Variants in CELF1 observed in about 807,000 individuals in gnomAD.
CELF1 encodes CUGBP Elav-like family member 1.
In CELF1, 10 loss-of-function variants were observed where a neutral mutation model predicts 61.8. That is an observed-to-expected ratio of 0.16 (90% CI 0.10 to 0.27). CELF1 has a LOEUF of 0.27. Ranked by LOEUF, CELF1 falls within the 10% of genes least tolerant of loss-of-function variation. The probability of loss-of-function intolerance (pLI) is 1.00; values close to 1 mark genes in which losing one functional copy is unlikely to be tolerated. For missense variants in CELF1, 380 were observed against 639.1 expected (o/e 0.59, Z 4.37); for synonymous variants, 236 against 225.1 (o/e 1.05, Z -0.43).
chr11:47,493,513 G>GAAAAAA (rs35976407), intron 3 of CELF1, among the ~76,000 whole-genome samples: 4 of 84,908 alleles, frequency 4.7e-5, no homozygotes, highest in Non-Finnish European at 6.8e-5. Flanking sequence ...ATCTCAAAAA[G>GAAAAAA]AAAAAAAAAA....
chr11:47,488,207 A>T (rs1485202802), intron 4 of CELF1, among the ~76,000 whole-genome samples: 1 of 152,244 alleles, frequency 6.6e-6, no homozygotes, highest in African/African-American at 2.4e-5. Context: ...GTCTGTGTGT[A>T]TATACGGGGC....
chr11:47,482,584 T>G (rs573672036), intron 9 of CELF1, 111 bp downstream of exon 9: 1 of 1,017,914 alleles, frequency 9.8e-7, no homozygotes, highest in Non-Finnish European at 1.4e-6. Flanking sequence ...TACATATAAT[T>G]TCTATATGCC....
intron 1 of CELF1, among the ~76,000 whole-genome samples, chr11:47,505,411 A>T (rs943963745): frequency 6.6e-6 from 1 of 151,232 alleles, no homozygotes; most frequent in Non-Finnish European, 1.5e-5. Flanking sequence ...AGATGGGCAG[A>T]TCACGAGGTC....
chr11:47,473,114 T>C lies in CELF1; in HGVS notation c.1391A>G (p.Lys464Arg). ...AAAACACTTGCTCAGGTTTGTCTGC[T>C]TGTCTATGAAAACCTTGGCAGACAC... ...NVVSAKVFID[K>R]QTNLSKCFGF... The change falls in exon 14 of 15, where the codon AAG becomes AGG. Residue 464 changes from lysine (K) to arginine (R), a missense_variant. By Grantham distance (26) the Lys-to-Arg change is conservative (BLOSUM62 2). Transcript: ENST00000687097. 1 of 1,614,180 alleles carries C rather than the reference T, an allele frequency of 6.2e-7. No homozygotes were observed.
chr11:47,478,497 T>G (rs1335416556), intron 10 of CELF1, among the ~76,000 whole-genome samples: 5 of 152,250 alleles, frequency 3.3e-5, no homozygotes, highest in African/African-American at 1.2e-4. Flanking sequence ...GGCATTTGCA[T>G]GGAAGCCATC....
At chr11:47,553,203 G>C (rs2097187188), upstream of CELF1, 5 of 390,440 alleles carry the variant, frequency 1.3e-5, no homozygotes, top group Non-Finnish European at 2.3e-5. Context: ...GCGCGGCGAG[G>C]GGGAACGTAT....
chr11:47,483,658 T>C lies in CELF1; in HGVS notation c.527-126A>G, dbSNP rs1467459906. 1.2e-5 allele frequency: 8 copies of C among 683,360 alleles called. No homozygotes were observed. The East Asian group carries it at 1.3e-4, about 11-fold the overall frequency. The allele number at this position is 683,360 out of a possible 1,614,324, so 42.3% of individuals were successfully genotyped here. A position where few individuals can be genotyped will look rare whatever the true frequency, so the allele number is the denominator to read the frequency against. On this transcript the variant is annotated intron_variant, in intron 7 of 14. Coordinates refer to ENST00000687097, the MANE Select transcript of CELF1 (RefSeq NM_001376376.1). ...CACAGTCCCTGTTTTCAGGGAATCA[T>C]GTGCTGGTATGTTGCAACAGGGTGA... is the stretch of plus-strand genomic sequence containing the variant.
chr11:47,525,436 T>C (rs2096188308), intron 1 of CELF1, among the ~76,000 whole-genome samples: 1 of 152,240 alleles, frequency 6.6e-6, no homozygotes, highest in African/African-American at 2.4e-5. Flanking sequence ...GATTCTATTC[T>C]TCAGCCCTTA....
intron 2 of CELF1, among the ~76,000 whole-genome samples, chr11:47,560,772 AG>A (rs1416664316): frequency 2.0e-5 from 3 of 152,156 alleles, no homozygotes; most frequent in African/African-American, 7.2e-5. Context: ...TTAACATTGG[AG>A]GGGGGTGGGC....
At chr11:47,484,605 G>C in intron 6 of CELF1, 82 bp from the exon 7 acceptor site, 3 of 1,215,238 alleles carry the variant, frequency 2.5e-6, no homozygotes, top group Non-Finnish European at 3.5e-6. Flanking sequence ...AGACCGCCTG[G>C]GTTTGAATCC....
chr11:47,551,946 G>C (rs546427434), intron 1 of CELF1, among the ~76,000 whole-genome samples: 20 of 151,668 alleles, frequency 1.3e-4, no homozygotes, highest in Admixed American at 1.3e-3. Context: ...TGAACCTGGG[G>C]AGGTTGCAGT....
intron 3 of CELF1, 72 bp downstream of exon 3, chr11:47,499,381 C>T (rs2093616267): frequency 9.7e-6 from 12 of 1,231,942 alleles, no homozygotes; most frequent in Non-Finnish European, 1.4e-5. Context: ...AAAAAGGAAC[C>T]AATTTCATCA....
intron 1 of CELF1, among the ~76,000 whole-genome samples, chr11:47,504,128 T>C (rs1390189869): frequency 6.6e-6 from 1 of 152,004 alleles, no homozygotes; most frequent in Non-Finnish European, 1.5e-5. Context: ...TGAACCAAGA[T>C]TGAGCCACTG....
intron 3 of CELF1, among the ~76,000 whole-genome samples, chr11:47,491,647 C>T (rs749304617): frequency 5.9e-5 from 9 of 152,214 alleles, no homozygotes; most frequent in Non-Finnish European, 1.0e-4. Context: ...TCCAACAGTA[C>T]TAAATTTCCA....
At chr11:47,523,419 A>T (rs762155927) in intron 1 of CELF1, 1 of 152,276 alleles carries the variant, frequency 6.6e-6, no homozygotes, top group Non-Finnish European at 1.5e-5. Context: ...ATAATGCCAC[A>T]CTCAAAAGAA....
At chr11:47,479,016 ACT>A in intron 9 of CELF1, 64 bp from the exon 10 acceptor site, 1 of 1,337,424 alleles carries the variant, frequency 7.5e-7, no homozygotes. Context: ...ATCTGGGATA[ACT>A]CTACAGCACA....
intron 9 of CELF1, among the ~76,000 whole-genome samples, chr11:47,480,155 C>T (rs1257132575): frequency 6.7e-6 from 1 of 150,158 alleles, no homozygotes; most frequent in African/African-American, 2.5e-5. Flanking sequence ...ATGGTGATCT[C>T]AGCTCACTGC....
At chr11:47,495,799 T>A (rs1256041582) in intron 3 of CELF1, 6 of 168,818 alleles carry the variant, frequency 3.6e-5, no homozygotes, top group Non-Finnish European at 7.2e-5. Context: ...AGTGGACATC[T>A]GTTCCTTGCA....
At chr11:47,489,935 G>GTT (rs561900704) in intron 3 of CELF1, among the ~76,000 whole-genome samples, 1,894 of 48,188 alleles carry the variant, frequency 0.039, 551 homozygotes, top group Middle Eastern at 0.11. Flanking sequence ...ATACCATCTT[G>GTT]TTTTTTTTTT....
Sources: gnomAD v4.1 joint callset for allele counts (sites outside exome capture counted in the v4.1 genomes callset) on GRCh38, gnomAD v4.1.1 for gene constraint, MANE v1.5 for transcripts, NCBI Gene and HGNC (gene_info 2026-07-23, HGNC 2026-07-21) for gene names.